The following FGF14 variants were observed in gnomAD, a reference collection of about 807,000 sequenced individuals.
FGF14 encodes the protein fibroblast growth factor 14.
In FGF14, 5 loss-of-function variants were observed where a neutral mutation model predicts 25.5. The observed-to-expected ratio is 0.20, with a 90% CI of 0.10 to 0.41. The LOEUF (loss-of-function observed/expected upper bound fraction) is 0.41, where lower values mean the gene tolerates loss of function less well. Ranked by LOEUF, FGF14 falls within the 10% of genes least tolerant of loss-of-function variation. The probability of loss-of-function intolerance (pLI) is 1.00; values close to 1 mark genes in which losing one functional copy is unlikely to be tolerated. For synonymous variants in FGF14, 138 were observed against 118.3 expected (o/e 1.17, Z -1.08); for missense variants, 222 against 320.1 (o/e 0.69, Z 2.34).
chr13:102,076,314 A>G (rs2043361040), intron 1 of FGF14, among the ~76,000 whole-genome samples: 2 of 152,188 alleles, frequency 1.3e-5, no homozygotes, highest in Admixed American at 6.5e-5. Context: ...ATATGTTTAG[A>G]TACACAATCA....
At chr13:102,379,364 T>C (rs1358978987) in intron 1 of FGF14, among the ~76,000 whole-genome samples, 1 of 152,018 alleles carries the variant, frequency 6.6e-6, no homozygotes, top group Non-Finnish European at 1.5e-5. Context: ...ATATGTTTTA[T>C]TCTCTACATT....
At chr13:102,299,097 A>G (rs567508145) in intron 1 of FGF14, among the ~76,000 whole-genome samples, 2 of 152,200 alleles carry the variant, frequency 1.3e-5, no homozygotes, top group Non-Finnish European at 2.9e-5. Context: ...TTGGTAGAAA[A>G]CTCATTCTAA....
At chr13:102,080,627 T>C (rs1348777059) in intron 1 of FGF14, among the ~76,000 whole-genome samples, 1 of 152,220 alleles carries the variant, frequency 6.6e-6, no homozygotes, top group East Asian at 1.9e-4. Context: ...TCAAGCTATT[T>C]TCAAAAGTGC....
intron 1 of FGF14, among the ~76,000 whole-genome samples, chr13:102,271,244 T>A (rs1225612393): frequency 1.3e-5 from 2 of 152,176 alleles, no homozygotes; most frequent in African/African-American, 4.8e-5. Flanking sequence ...TTGCCAAATT[T>A]TTAACAATTT....
At chr13:102,017,586 T>A (rs1365710838) in intron 1 of FGF14, among the ~76,000 whole-genome samples, 1 of 151,274 alleles carries the variant, frequency 6.6e-6, no homozygotes, top group African/African-American at 2.5e-5. Context: ...AAGATGTGTC[T>A]AGGGTCAGTC....
chr13:101,841,503 TTAC>T (rs1339241317), intron 3 of FGF14, among the ~76,000 whole-genome samples: 1 of 151,986 alleles, frequency 6.6e-6, no homozygotes, highest in Non-Finnish European at 1.5e-5. Context: ...TACATATTAT[TTAC>T]TACTGAGCAT....
At chr13:102,207,171 T>A (rs958104446) in intron 1 of FGF14, among the ~76,000 whole-genome samples, 5 of 151,438 alleles carry the variant, frequency 3.3e-5, no homozygotes, top group Admixed American at 2.6e-4. Context: ...TACCAACTAC[T>A]CCAGAGGCTC....
intron 1 of FGF14, among the ~76,000 whole-genome samples, chr13:102,336,387 T>A (rs909705546): frequency 1.3e-5 from 2 of 152,164 alleles, no homozygotes; most frequent in Non-Finnish European, 2.9e-5. Flanking sequence ...GGCAAGGTCC[T>A]AACTCTCTTC....
intron 1 of FGF14, among the ~76,000 whole-genome samples, chr13:102,214,173 A>G (rs2050272042): frequency 6.6e-6 from 1 of 152,224 alleles, no homozygotes; most frequent in African/African-American, 2.4e-5. Context: ...CACTTGCAAA[A>G]TTAACAATAT....
chr13:101,898,052 G>A (rs546979545), intron 1 of FGF14, among the ~76,000 whole-genome samples: 2 of 151,722 alleles, frequency 1.3e-5, no homozygotes, highest in South Asian at 2.1e-4. Context: ...GTGCCACCAC[G>A]TCCAGATAAT....
chr13:102,061,591 C>T (rs1194986829), intron 1 of FGF14, among the ~76,000 whole-genome samples: 2 of 152,172 alleles, frequency 1.3e-5, no homozygotes, highest in African/African-American at 4.8e-5. Context: ...GGTAACAATG[C>T]TTATCATGGC....
At chr13:101,851,502 C>T (rs116477992) in intron 3 of FGF14, among the ~76,000 whole-genome samples, 1 of 152,180 alleles carries the variant, frequency 6.6e-6, no homozygotes, top group African/African-American at 2.4e-5. Context: ...CAACCAGTCA[C>T]TTGCATTTAA....
chr13:101,870,085 A>C (rs1307718286), intron 2 of FGF14, among the ~76,000 whole-genome samples: 1 of 152,214 alleles, frequency 6.6e-6, no homozygotes, highest in African/African-American at 2.4e-5. Flanking sequence ...GTTGGATATT[A>C]GTTTCACTAC....
At chr13:101,789,910 TTAA>T (rs2040134797) in intron 3 of FGF14, among the ~76,000 whole-genome samples, 1 of 151,666 alleles carries the variant, frequency 6.6e-6, no homozygotes, top group Non-Finnish European at 1.5e-5. Flanking sequence ...CATATTATTA[TTAA>T]TAATAATGCC....
chr13:101,765,714 A>ATT (rs1566873144), intron 3 of FGF14, among the ~76,000 whole-genome samples: 101 of 143,182 alleles, frequency 7.1e-4, no homozygotes, highest in African/African-American at 2.6e-3. Context: ...TATTATTATT[A>ATT]TTATTTTATT....
chr13:102,270,252 C>G (rs1031918520), intron 1 of FGF14, among the ~76,000 whole-genome samples: 28 of 152,014 alleles, frequency 1.8e-4, no homozygotes, highest in African/African-American at 4.6e-4. Context: ...CTCTCTCTCT[C>G]TGTGTGTCTC....
chr13:102,093,130 A>G lies in FGF14; in HGVS notation c.209-217834T>C, dbSNP rs113772510. ...TGTTTTCAATAAATGTATTAGAAAAATTTGTGGAGATTTGTGAAAATTTGC... is the reference window on the plus strand; with the variant it reads ...TGTTTTCAATAAATGTATTAGAAAAGTTTGTGGAGATTTGTGAAAATTTGC... On this transcript the variant is annotated intron_variant, in intron 1 of 4. Transcript: ENST00000376131. 1.2e-4 allele frequency among the ~76,000 whole-genome samples: 18 copies of G among 152,292 alleles called. 1 individual carries two copies. Among genetic ancestry groups the G allele is most frequent in the African/African-American group, 4.3e-4 (18 of 41,568 alleles).
chr13:102,370,534 C>T lies in FGF14; in HGVS notation c.208+30937G>A, dbSNP rs185296826. On this transcript the variant is annotated intron_variant, in intron 1 of 4. Transcript: ENST00000376131. ...CTGAGTAGCTGGGATTATATGCATA[C>T]ACCACCACACCTGGCCATGATTATA... is the stretch of plus-strand genomic sequence containing the variant. Among the ~76,000 whole-genome samples the T allele has an allele frequency of 9.1e-3, 1,381 of 152,148 alleles. 11 individuals are homozygous for T. Among genetic ancestry groups the T allele is most frequent in the Middle Eastern group, 0.031 (9 of 294 alleles).
chr13:102,358,715 A>T (rs1023746581), intron 1 of FGF14, among the ~76,000 whole-genome samples: 1 of 152,212 alleles, frequency 6.6e-6, no homozygotes, highest in Admixed American at 6.5e-5. Flanking sequence ...GATAATGAAG[A>T]TATTGGAAAG....
Sources: allele counts gnomAD v4.1 joint callset (sites outside exome capture counted in the v4.1 genomes callset), GRCh38; gene constraint gnomAD v4.1.1; transcripts MANE v1.5; gene names NCBI Gene and HGNC (gene_info 2026-07-23, HGNC 2026-07-21).